ACBD6: variants seen among roughly 807,000 people sequenced by gnomAD.
ACBD6 encodes the protein acyl-CoA binding domain containing 6, also known as acyl-CoA-binding domain-containing protein 6.
A neutral mutation model predicts 37.2 loss-of-function variants in ACBD6; 28 were observed. The observed-to-expected ratio is 0.75, with a 90% CI of 0.56 to 1.03. ACBD6 has a LOEUF of 1.03. Ranked by LOEUF, ACBD6 falls within the 50% of genes least tolerant of loss-of-function variation. ACBD6 has a pLI of 0.00. For synonymous variants in ACBD6, 113 were observed against 126.8 expected (o/e 0.89, Z 0.73); for missense variants, 340 against 337.4 (o/e 1.01, Z -0.06).
chr1:180,451,198 C>T (rs992792068), intron 3 of ACBD6, among the ~76,000 whole-genome samples: 2 of 152,130 alleles, frequency 1.3e-5, no homozygotes, highest in Non-Finnish European at 2.9e-5. Flanking sequence ...GAAATCACAA[C>T]AAGATACCAT....
chr1:180,387,122 T>C (rs568490759), intron 6 of ACBD6, among the ~76,000 whole-genome samples: 1 of 152,336 alleles, frequency 6.6e-6, no homozygotes, highest in Non-Finnish European at 1.5e-5. Flanking sequence ...ACAGTACTAT[T>C]TGGGTCTGCC....
intron 6 of ACBD6, among the ~76,000 whole-genome samples, chr1:180,346,173 G>A (rs1002049999): frequency 2.0e-5 from 3 of 152,152 alleles, no homozygotes; most frequent in South Asian, 4.1e-4. Flanking sequence ...AAAAGATCCC[G>A]TACCAAGGAC....
downstream of ACBD6, among the ~76,000 whole-genome samples, chr1:180,285,196 A>G (rs999120268): frequency 1.3e-5 from 2 of 152,210 alleles, no homozygotes; most frequent in Admixed American, 1.3e-4. Flanking sequence ...AAGCTAAGAT[A>G]TAACTGATTA....
intron 3 of ACBD6, among the ~76,000 whole-genome samples, chr1:180,488,303 T>C (rs538631614): frequency 2.6e-5 from 4 of 152,264 alleles, no homozygotes; most frequent in South Asian, 2.1e-4. Flanking sequence ...ATAGTAGACA[T>C]TGAACAACAT....
chr1:180,489,400 T>C (rs1384243167), intron 3 of ACBD6, among the ~76,000 whole-genome samples: 4 of 151,378 alleles, frequency 2.6e-5, no homozygotes, highest in African/African-American at 9.7e-5. Flanking sequence ...AACTAAAATG[T>C]AAATAAAAAA....
intron 3 of ACBD6, among the ~76,000 whole-genome samples, chr1:180,434,337 A>G (rs1476025880): frequency 6.6e-6 from 1 of 152,188 alleles, no homozygotes; most frequent in South Asian, 2.1e-4. Context: ...ATCCCAAAAT[A>G]TATTTGACAT....
intron 3 of ACBD6, among the ~76,000 whole-genome samples, chr1:180,471,342 C>T (rs6425639): frequency 0.064 from 9,512 of 148,682 alleles, 923 homozygotes; most frequent in African/African-American, 0.21. Flanking sequence ...GTCAAGGCTG[C>T]AATGAGACAT....
chr1:180,441,438 G>C (rs1263927423), intron 3 of ACBD6, among the ~76,000 whole-genome samples: 1 of 152,110 alleles, frequency 6.6e-6, no homozygotes, highest in Non-Finnish European at 1.5e-5. Context: ...GGGGCCCTTT[G>C]CAATTCCATA....
At chr1:180,391,699 T>C (rs1035478477) in intron 6 of ACBD6, among the ~76,000 whole-genome samples, 3 of 152,168 alleles carry the variant, frequency 2.0e-5, no homozygotes, top group Non-Finnish European at 4.4e-5. Flanking sequence ...CATACATCAC[T>C]GCTGAGAATA....
chr1:180,343,227 C>T (rs1009257235), intron 6 of ACBD6, among the ~76,000 whole-genome samples: 45 of 151,954 alleles, frequency 3.0e-4, no homozygotes, highest in African/African-American at 1.1e-3. Context: ...CATAAAAACA[C>T]ATAACCTAAA....
chr1:180,457,168 G>A (rs1649958025), intron 3 of ACBD6, among the ~76,000 whole-genome samples: 1 of 152,062 alleles, frequency 6.6e-6, no homozygotes, highest in Non-Finnish European at 1.5e-5. Context: ...GCATGTAGGG[G>A]CAAGAGATCC....
At chr1:180,327,767 G>C (rs1347131557) in intron 6 of ACBD6, among the ~76,000 whole-genome samples, 1 of 152,206 alleles carries the variant, frequency 6.6e-6, no homozygotes, top group Admixed American at 6.5e-5. Context: ...TCTAAACAAT[G>C]ATGAACAGGA....
intron 6 of ACBD6, among the ~76,000 whole-genome samples, chr1:180,327,161 C>T (rs1334073717): frequency 1.3e-5 from 2 of 152,178 alleles, no homozygotes; most frequent in African/African-American, 2.4e-5. Flanking sequence ...CTTTGGCCCG[C>T]AGTGGTGAGG....
intron 5 of ACBD6, among the ~76,000 whole-genome samples, chr1:180,408,718 CAG>C (rs964638246): frequency 6.0e-5 from 9 of 150,846 alleles, no homozygotes; most frequent in Non-Finnish European, 8.9e-5. Flanking sequence ...TTAGGAGGGT[CAG>C]AGAGAGAGAG....
intron 9 of ACBD6, chr1:180,276,316 GC>G (rs2149270296): frequency 6.8e-6 from 1 of 146,380 alleles, no homozygotes; most frequent in African/African-American, 2.5e-5. Flanking sequence ...TCTTTTGTAA[GC>G]CCTTTTCCAG....
chr1:180,427,933 A>C (rs1358163812), intron 4 of ACBD6, among the ~76,000 whole-genome samples: 10 of 151,380 alleles, frequency 6.6e-5, no homozygotes, highest in Non-Finnish European at 1.3e-4. Flanking sequence ...AAAAAAAAAA[A>C]ACCAAAAACC....
In ACBD6 at chr1:180,315,626, A is replaced by G. The variant is rs74132458; in HGVS notation, c.664-904T>C. 6.0e-3 allele frequency among the ~76,000 whole-genome samples: 913 copies of G among 152,286 alleles called. 8 individuals are homozygous for G. The highest frequency in any genetic ancestry group is 0.021 in the African/African-American group (855 of 41,572). ...GCTTTTCCCACTTCCTAACAGCTGA[A>G]TGTAGGGGTGGAGGTTGGCTCTGGA... On this transcript the variant is annotated intron_variant, in intron 6 of 7. Coordinates refer to ENST00000367595, the MANE Select transcript of ACBD6 (RefSeq NM_032360.4).
rs529054925 is a variant in ACBD6 at position 180,492,497 on chromosome 1, A to C, written c.288-132T>G. ...TAGAGATAATAAGCTATGGATAGAG[A>C]AGCTCTGTCTTTTTGCATTTACATT... On this transcript the variant is annotated intron_variant, in intron 2 of 7. Coordinates refer to ENST00000367595, the MANE Select transcript of ACBD6 (RefSeq NM_032360.4). The C allele has an allele frequency of 6.7e-6, 5 of 744,632 alleles. No homozygotes were observed. In the East Asian group the frequency reaches 1.1e-4, roughly 16 times the overall value. The allele number at this position is 744,632 out of a possible 1,614,324, so 46.1% of individuals were successfully genotyped here.
chr1:180,388,882 C>G (rs1358945803), intron 6 of ACBD6, among the ~76,000 whole-genome samples: 1 of 152,072 alleles, frequency 6.6e-6, no homozygotes. Context: ...ACACTGAAAA[C>G]TATAAAACAT....
Sources: allele counts gnomAD v4.1 joint callset (sites outside exome capture counted in the v4.1 genomes callset), GRCh38; gene constraint gnomAD v4.1.1; transcripts MANE v1.5; gene names NCBI Gene and HGNC (gene_info 2026-07-23, HGNC 2026-07-21).